Variants in TAF8 observed in about 807,000 individuals in gnomAD.
TAF8 encodes the protein TATA-box binding protein associated factor 8.
A neutral mutation model predicts 36.5 loss-of-function variants in TAF8; 47 were observed. The observed-to-expected ratio is 1.29, with a 90% CI of 1.02 to 1.64. The LOEUF is 1.64. Among genes scored for constraint, TAF8 ranks in the 40% most tolerant of loss-of-function variants. TAF8 has a pLI of 0.00. For synonymous variants in TAF8, 175 were observed against 159.5 expected (o/e 1.10, Z -0.73); for missense variants, 420 against 407.6 (o/e 1.03, Z -0.26).
rs149110984 is a variant in TAF8, at chr6:42,058,359, G to A, written c.489+846G>A. 9.9e-3 allele frequency among the ~76,000 whole-genome samples: 1,512 copies of A among 152,274 alleles called. 11 individuals are homozygous for A. The highest frequency in any genetic ancestry group is 0.013 in the Non-Finnish European group (881 of 68,026). ...TGCGCCACTGCACTCCAGCCTAGGCGACAGAGCAAGACTCTGTCTCAAAAA... is the reference window on the plus strand; with the variant it reads ...TGCGCCACTGCACTCCAGCCTAGGCAACAGAGCAAGACTCTGTCTCAAAAA... On this transcript the variant is annotated intron_variant, in intron 5 of 8. Transcript: ENST00000372977.
chr6:42,050,841 T>C, intron 1 of TAF8: 1 of 1,000,660 alleles, frequency 1.0e-6, no homozygotes, highest in Non-Finnish European at 1.3e-6. Flanking sequence ...GGTCTGAAGA[T>C]GCCGTTTTCG....
chr6:42,050,603 C>T lies in TAF8; in HGVS notation c.45+17C>T, dbSNP rs1266532997. 2 of 1,545,522 alleles carry T rather than the reference C, an allele frequency of 1.3e-6. No homozygotes were observed. Among genetic ancestry groups the T allele is most frequent in the East Asian group, 2.4e-5 (1 of 41,108 alleles). On this transcript the variant is annotated intron_variant, in intron 1 of 8. Transcript: ENST00000372977. ...TCCGGAACGGTAAGGGCAGGAAGCG[C>T]GGGCTCGGAGCCGAGAGAGTTTGGG...
At position 42,053,609 on chromosome 6, in the gene TAF8, A is replaced by G. The variant is rs542584522; in HGVS notation, c.203-1922A>G. ...AAAAAGAAGAAGAAATTTTGAAAAT[A>G]AGAATGTACAATCACATATTCTGTT... On this transcript the variant is annotated intron_variant, in intron 2 of 8. Coordinates refer to ENST00000372977, the MANE Select transcript of TAF8 (RefSeq NM_138572.3). Among the ~76,000 whole-genome samples, 17 of 152,228 alleles carry G rather than the reference A, an allele frequency of 1.1e-4. No homozygotes were observed. The East Asian group carries it at 3.1e-3, about 28-fold the overall frequency.
chr6:42,080,756 A>G lies in TAF8; in HGVS notation c.*3211A>G, dbSNP rs910962241. 3.5e-5 allele frequency: 34 copies of G among 984,934 alleles called. No homozygotes were observed. In the African/African-American group the frequency reaches 4.4e-4, roughly 13 times the overall value. 61.0% of individuals were successfully genotyped at this position (984,934 alleles called of 1,614,324 possible). The stretch of plus-strand genomic sequence containing the variant: ...ACAACTTGAAACATTGACCCTGTAT[A>G]AAAATGCAAAATTCTCAATGTGTAT... On this transcript the variant is annotated 3_prime_UTR_variant, in exon 9 of 9. Coordinates refer to ENST00000372977, the MANE Select transcript of TAF8 (RefSeq NM_138572.3).
At chr6:42,086,611 C>G, downstream of TAF8, 2 of 1,092,782 alleles carry the variant, frequency 1.8e-6, no homozygotes, top group Non-Finnish European at 2.7e-6. Context: ...CTCCCCTGAT[C>G]TGCGGCACCC....
Position 42,068,605 on chromosome 6 carries a change from A to G in TAF8, c.778A>G (p.Met260Val), listed in dbSNP as rs1765448608. The change falls in exon 7 of 9, where the codon ATG becomes GTG. Residue 260 changes from methionine (M) to valine (V), a missense_variant and splice_region_variant. Transcript: ENST00000372977. Reference sequence around the variant, plus strand: ...AGAGAACCTTGCTCTTCATATCAGCATGGTGGGTTCCACCTTCTGCCTACC... The same window carrying G: ...AGAGAACCTTGCTCTTCATATCAGCGTGGTGGGTTCCACCTTCTGCCTACC... The part of the protein sequence containing the change: ...DTENLALHIS[M>V]EDSGAEKENT... 6.2e-7 allele frequency: 1 copy of G among 1,612,560 alleles called. No homozygotes were observed. The highest frequency in any genetic ancestry group is 1.7e-5 in the Admixed American group (1 of 59,996).
chr6:42,082,634 T>C lies in TAF8; in HGVS notation c.*5089T>C, dbSNP rs1405113695. The C allele has an allele frequency of 6.6e-6, 1 of 152,256 alleles. No individual in the cohort carries two copies. The highest frequency in any genetic ancestry group is 1.5e-5 in the Non-Finnish European group (1 of 68,068). The allele number at this position is 152,256 out of a possible 1,614,324, so 9.4% of individuals were successfully genotyped here. A position where few individuals can be genotyped will look rare whatever the true frequency, so the allele number is the denominator to read the frequency against. The stretch of plus-strand genomic sequence containing the variant: ...GATTATAGGTATGACCCACCGCACC[T>C]GGCCGAGTATGGGACTTTTTGACGT... On this transcript the variant is annotated 3_prime_UTR_variant, in exon 9 of 9. Coordinates refer to ENST00000372977, the MANE Select transcript of TAF8 (RefSeq NM_138572.3).
chr6:42,067,390 T>A (rs1224442026), intron 6 of TAF8, among the ~76,000 whole-genome samples: 3 of 151,720 alleles, frequency 2.0e-5, no homozygotes, highest in Non-Finnish European at 4.4e-5. Flanking sequence ...ATTTTTTGTA[T>A]TTTTAGTAGA....
chr6:42,080,757 A>G lies in TAF8; in HGVS notation c.*3212A>G. ...CAACTTGAAACATTGACCCTGTATA[A>G]AAATGCAAAATTCTCAATGTGTATT... is the stretch of plus-strand genomic sequence containing the variant. On this transcript the variant is annotated 3_prime_UTR_variant, in exon 9 of 9. Coordinates refer to ENST00000372977, the MANE Select transcript of TAF8 (RefSeq NM_138572.3). 1 of 984,998 alleles carries G rather than the reference A, an allele frequency of 1.0e-6. No homozygotes were observed. The highest frequency in any genetic ancestry group is 1.2e-6 in the Non-Finnish European group (1 of 829,554). The allele number at this position is 984,998 out of a possible 1,614,324, so 61.0% of individuals were successfully genotyped here. A position where few individuals can be genotyped will look rare whatever the true frequency, so the allele number is the denominator to read the frequency against.
intron 5 of TAF8, chr6:42,063,876 C>T (rs934997041): frequency 4.6e-5 from 7 of 152,250 alleles, no homozygotes; most frequent in African/African-American, 1.4e-4. Flanking sequence ...CCACCTCAGC[C>T]TGCAGAGTAG....
intron 1 of TAF8, chr6:42,051,028 G>A: frequency 9.2e-7 from 1 of 1,083,684 alleles, no homozygotes; most frequent in Non-Finnish European, 1.1e-6. Flanking sequence ...GAGGGATCCT[G>A]TTTTTTCTGC....
intron 5 of TAF8, among the ~76,000 whole-genome samples, chr6:42,062,832 G>C (rs1765234568): frequency 6.6e-6 from 1 of 151,906 alleles, no homozygotes; most frequent in Admixed American, 6.6e-5. Context: ...GAGCCACCGT[G>C]CCTGGCCAAG....
chr6:42,064,340 T>C (rs986773339), intron 5 of TAF8, among the ~76,000 whole-genome samples: 1 of 151,830 alleles, frequency 6.6e-6, no homozygotes, highest in Admixed American at 6.6e-5. Flanking sequence ...TCAACCTCTG[T>C]CTCCCAGGTT....
chr6:42,058,506 C>T (rs1765083006), intron 5 of TAF8, among the ~76,000 whole-genome samples: 1 of 152,198 alleles, frequency 6.6e-6, no homozygotes, highest in Non-Finnish European at 1.5e-5. Context: ...GCCTGAATGG[C>T]AGTTTTACCT....
intron 7 of TAF8, among the ~76,000 whole-genome samples, chr6:42,075,534 A>T (rs1215493639): frequency 6.6e-6 from 1 of 152,150 alleles, no homozygotes; most frequent in Non-Finnish European, 1.5e-5. Context: ...CTGTCAGGGG[A>T]ACCTGCTATT....
At chr6:42,084,833 A>G (rs1203943210), downstream of TAF8, among the ~76,000 whole-genome samples, 1 of 152,202 alleles carries the variant, frequency 6.6e-6, no homozygotes, top group African/African-American at 2.4e-5. Context: ...GGCTAAGTAC[A>G]TTGTGGGAGG....
chr6:42,061,623 A>G (rs1318361482), intron 5 of TAF8, among the ~76,000 whole-genome samples: 1 of 152,204 alleles, frequency 6.6e-6, no homozygotes, highest in Non-Finnish European at 1.5e-5. Context: ...CTGATAACAT[A>G]CACTAAGTCA....
Position 42,078,717 on chromosome 6 carries a change from G to A in TAF8, c.*1172G>A. 1.0e-6 allele frequency: 1 copy of A among 985,442 alleles called. No individual in the cohort carries two copies. The allele number at this position is 985,442 out of a possible 1,614,324, so 61.0% of individuals were successfully genotyped here. A position where few individuals can be genotyped will look rare whatever the true frequency, so the allele number is the denominator to read the frequency against. On this transcript the variant is annotated 3_prime_UTR_variant, in exon 9 of 9. Coordinates refer to ENST00000372977, the MANE Select transcript of TAF8 (RefSeq NM_138572.3). Reference sequence around the variant, plus strand: ...TTGCCCCTGTGAGGAATGTGTGCTTGGGAACTGCCAAGTCTTACCCCTTCT... The same window carrying A: ...TTGCCCCTGTGAGGAATGTGTGCTTAGGAACTGCCAAGTCTTACCCCTTCT...
chr6:42,055,906 A>G (rs1183209843), intron 3 of TAF8, 46 bp from the exon 4 acceptor site: 2 of 1,253,790 alleles, frequency 1.6e-6, no homozygotes, highest in South Asian at 1.2e-5. Context: ...TTCTGTATTC[A>G]ATATCCAGTG....
Sources: allele counts gnomAD v4.1 joint callset (sites outside exome capture counted in the v4.1 genomes callset), GRCh38; gene constraint gnomAD v4.1.1; transcripts MANE v1.5; gene names NCBI Gene and HGNC (gene_info 2026-07-23, HGNC 2026-07-21).